LRP4: variants seen among roughly 807,000 people sequenced by gnomAD.
LRP4 encodes the protein low-density lipoprotein receptor-related protein 4.
A neutral mutation model predicts 220.3 loss-of-function variants in LRP4; 95 were observed. The observed-to-expected ratio is 0.43, with a 90% confidence interval of 0.37 to 0.51. The LOEUF (loss-of-function observed/expected upper bound fraction) is 0.51. LRP4 is among the 20% of genes least tolerant of loss of function. LRP4 has a pLI of 0.00. For synonymous variants in LRP4, 903 were observed against 954.6 expected (o/e 0.95, Z 1.00); for missense variants, 1,925 against 2,567.0 (o/e 0.75, Z 5.40).
In LRP4 at chr11:46,898,968, G is replaced by A. The variant is rs757902891; in HGVS notation, c.612C>T (p.Ile204=). ...EEFQCAYGRC[I]LDIYHCDGDD... ...CGCCATCGCAGTGGTAGATGTCGAG[G>A]ATGCAGCGTCCATAGGCACACTGGA... Residue 204 remains isoleucine (I), a synonymous_variant, in exon 6 of 38, where the codon ATC becomes ATT. Transcript: ENST00000378623. 28 of 1,613,744 alleles carry A rather than the reference G, an allele frequency of 1.7e-5. No individual in the cohort carries two copies. Among genetic ancestry groups the A allele is most frequent in the Middle Eastern group, 1.6e-4 (1 of 6,084 alleles).
chr11:46,891,147 T>C (rs567440628), intron 13 of LRP4, among the ~76,000 whole-genome samples: 59 of 152,082 alleles, frequency 3.9e-4, no homozygotes, highest in Non-Finnish European at 7.8e-4. Context: ...TGAGACTCGC[T>C]CTGTTGCCCA....
chr11:46,901,235 A>G (rs1458108970), intron 2 of LRP4, among the ~76,000 whole-genome samples: 1 of 152,224 alleles, frequency 6.6e-6, no homozygotes, highest in Non-Finnish European at 1.5e-5. Flanking sequence ...GGGAAGAACA[A>G]CCCAAAGAAC....
chr11:46,902,992 G>C (rs913230559), intron 1 of LRP4, 63 bp from the exon 2 acceptor site: 2 of 1,606,766 alleles, frequency 1.2e-6, no homozygotes, highest in Admixed American at 1.7e-5. Context: ...CCCATTCCGA[G>C]GGGAAAGTAG....
At chr11:46,895,859 T>A (rs754414304) in intron 10 of LRP4, 25 bp downstream of exon 10, 4 of 1,609,650 alleles carry the variant, frequency 2.5e-6, no homozygotes, top group Non-Finnish European at 3.4e-6. Context: ...ACCCCGACTC[T>A]GCTGCAAACC....
chr11:46,880,915 A>C (rs999840304), intron 20 of LRP4, among the ~76,000 whole-genome samples: 1 of 152,000 alleles, frequency 6.6e-6, no homozygotes, highest in African/African-American at 2.4e-5. Context: ...ACCAAAAAAA[A>C]AGAAAAAAAC....
intron 36 of LRP4, among the ~76,000 whole-genome samples, chr11:46,863,158 G>A (rs941109373): frequency 6.6e-6 from 1 of 152,132 alleles, no homozygotes; most frequent in Admixed American, 6.5e-5. Flanking sequence ...GTGAGTGAGT[G>A]TGGAAGGGGA....
intron 1 of LRP4, among the ~76,000 whole-genome samples, chr11:46,913,396 TAAAAA>T (rs995424216): frequency 2.0e-4 from 30 of 151,964 alleles, no homozygotes; most frequent in Non-Finnish European, 4.0e-4. Context: ...GGCACCAACT[TAAAAA>T]GAAGAAACAA....
At chr11:46,904,751 T>C (rs1378948756) in intron 1 of LRP4, among the ~76,000 whole-genome samples, 2 of 152,048 alleles carry the variant, frequency 1.3e-5, no homozygotes, top group Non-Finnish European at 2.9e-5. Context: ...GGTGGATCCT[T>C]TGAGCACAGC....
intron 30 of LRP4, among the ~76,000 whole-genome samples, chr11:46,872,054 C>T (rs556058517): frequency 1.1e-3 from 162 of 152,036 alleles, no homozygotes; most frequent in African/African-American, 3.9e-3. Context: ...GTCAGGAGTT[C>T]GAGATCAGCC....
At chr11:46,889,315 T>C (rs757618318) in intron 16 of LRP4, 96 bp downstream of exon 16, 1 of 1,541,834 alleles carries the variant, frequency 6.5e-7, no homozygotes, top group Non-Finnish European at 8.9e-7. Context: ...ATGTGGTTTT[T>C]CCCATGACAG....
chr11:46,885,419 G>A lies in LRP4; in HGVS notation c.2506+672C>T, dbSNP rs539908994. ...TCAGCCTCTGTGGTCCAGCAACCACGCTCTGAGTAGCACTTGTTCAGGGTA... is the reference window on the plus strand; with the variant it reads ...TCAGCCTCTGTGGTCCAGCAACCACACTCTGAGTAGCACTTGTTCAGGGTA... On this transcript the variant is annotated intron_variant, in intron 18 of 37. Transcript: ENST00000378623. Among the ~76,000 whole-genome samples, 3 of 152,220 alleles carry A rather than the reference G, an allele frequency of 2.0e-5. No homozygotes were observed. The South Asian group carries it at 6.2e-4, about 32-fold the overall frequency.
chr11:46,895,738 G>A (rs1941513956), intron 10 of LRP4, 146 bp downstream of exon 10: 9 of 1,159,206 alleles, frequency 7.8e-6, no homozygotes, highest in Non-Finnish European at 6.3e-6. Context: ...CTGTGAAATG[G>A]GAAGGATGAT....
chr11:46,886,073 C>A lies in LRP4; in HGVS notation c.2506+18G>T. 1 of 1,605,178 alleles carries A rather than the reference C, an allele frequency of 6.2e-7. No individual in the cohort carries two copies. Among genetic ancestry groups the A allele is most frequent in the Non-Finnish European group, 8.5e-7 (1 of 1,172,532 alleles). On this transcript the variant is annotated intron_variant, in intron 18 of 37. Transcript: ENST00000378623. ...GAATCCCAGGGAGCCAGGCAGGCCA[C>A]GGCTCCCCTATGCATACCTGCATCT...
chr11:46,878,851 G>A lies in LRP4; in HGVS notation c.3136+56C>T. 11 of 1,611,436 alleles carry A rather than the reference G, an allele frequency of 6.8e-6. No homozygotes were observed. In the South Asian group the frequency reaches 1.2e-4, roughly 18 times the overall value. On this transcript the variant is annotated intron_variant, in intron 22 of 37. Transcript: ENST00000378623. ...GGAGCCCATCTGCAAGGAAGGAAGA[G>A]AGCCATTGCCCCCTCCCAGAGAGGC...
At chr11:46,906,301 C>T (rs1941758311) in intron 1 of LRP4, among the ~76,000 whole-genome samples, 1 of 151,958 alleles carries the variant, frequency 6.6e-6, no homozygotes, top group African/African-American at 2.4e-5. Flanking sequence ...ACTAAAAATA[C>T]AAAAATTAGC....
At chr11:46,866,283 T>C (rs1348492789) in intron 34 of LRP4, among the ~76,000 whole-genome samples, 3 of 151,510 alleles carry the variant, frequency 2.0e-5, no homozygotes, top group Non-Finnish European at 4.4e-5. Flanking sequence ...ATTTATTTTT[T>C]GTTTTTTGTT....
rs142462686 is a variant in LRP4 at position 46,859,201 on chromosome 11, C to A, written c.5500G>T (p.Gly1834Trp). Residue 1834 changes from glycine to tryptophan, a missense_variant, in exon 38 of 38, where the codon GGG (glycine) becomes TGG (tryptophan). Gly to Trp is a radical substitution (Grantham distance 184). This residue lies in a region of LRP4 where 1,244 missense variants were observed against 1,624.9 expected (regional missense o/e 0.77). Coordinates refer to ENST00000378623, the MANE Select transcript of LRP4 (RefSeq NM_002334.4). ...DDLKQLRSSR[G>W]GLLRDHVCMK... ...CATACATGATCCCGGAGGAGGCCCC[C>A]CCGTGAGCTTCGCAGTTGCTTGAGG... 5.0e-6 allele frequency: 8 copies of A among 1,614,054 alleles called. No homozygotes were observed. Among genetic ancestry groups the A allele is most frequent in the African/African-American group, 4.0e-5 (3 of 74,904 alleles).
chr11:46,877,122 G>C, intron 23 of LRP4, 77 bp downstream of exon 23: 5 of 1,530,318 alleles, frequency 3.3e-6, no homozygotes, highest in Non-Finnish European at 4.5e-6. Context: ...AGGAGACAAA[G>C]GTGGTGGGAG....
At chr11:46,872,622 T>C (rs1466316796) in intron 30 of LRP4, among the ~76,000 whole-genome samples, 1 of 152,188 alleles carries the variant, frequency 6.6e-6, no homozygotes, top group African/African-American at 2.4e-5. Context: ...CATGTGCCTA[T>C]AGTCCCTGCT....
Sources: allele counts gnomAD v4.1 joint callset (sites outside exome capture counted in the v4.1 genomes callset), GRCh38; gene constraint gnomAD v4.1.1; regional missense constraint gnomAD v4.1.1; transcripts MANE v1.5; gene names NCBI Gene and HGNC (gene_info 2026-07-23, HGNC 2026-07-21).